ATG10: variants seen among roughly 807,000 people sequenced by gnomAD.
ATG10 encodes autophagy related 10, also known as ubiquitin-like-conjugating enzyme ATG10.
A neutral mutation model predicts 32.1 loss-of-function variants in ATG10; 30 were observed. The observed-to-expected ratio is 0.94, with a 90% CI of 0.70 to 1.27. ATG10 has a LOEUF of 1.27. Ranked by LOEUF, ATG10 falls within the 50% of genes most tolerant of loss-of-function variation. The probability of loss-of-function intolerance (pLI) is 0.00; values close to 1 mark genes in which losing one functional copy is unlikely to be tolerated. For missense variants in ATG10, 233 were observed against 262.3 expected, an observed-to-expected ratio of 0.89 and a Z score of 0.77; for synonymous variants, 87 against 91.5, an observed-to-expected ratio of 0.95 and a Z score of 0.28.
chr5:82,221,317 A>G (rs1745916408), intron 5 of ATG10, among the ~76,000 whole-genome samples: 1 of 152,140 alleles, frequency 6.6e-6, no homozygotes, highest in Non-Finnish European at 1.5e-5. Flanking sequence ...AGTAGGGGCT[A>G]TATTTTGTTT....
At chr5:82,050,869 A>G (rs1763393073) in intron 2 of ATG10, among the ~76,000 whole-genome samples, 1 of 122,420 alleles carries the variant, frequency 8.2e-6, no homozygotes, top group Admixed American at 8.8e-5. Context: ...AAAAAAAAAA[A>G]TCAGCCAGAT....
chr5:81,983,281 G>A (rs1761122352), intron 1 of ATG10, among the ~76,000 whole-genome samples: 1 of 147,804 alleles, frequency 6.8e-6, no homozygotes, highest in Non-Finnish European at 1.5e-5. Context: ...GGCTGGGCGG[G>A]GGGCTGACCC....
At chr5:81,976,585 G>A (rs1760882433) in intron 1 of ATG10, among the ~76,000 whole-genome samples, 1 of 152,174 alleles carries the variant, frequency 6.6e-6, no homozygotes, top group Non-Finnish European at 1.5e-5. Flanking sequence ...TTACTGGAAT[G>A]ATCCAAGTAA....
intron 3 of ATG10, among the ~76,000 whole-genome samples, chr5:82,138,054 G>C (rs1285033802): frequency 6.6e-6 from 1 of 152,194 alleles, no homozygotes; most frequent in African/African-American, 2.4e-5. Flanking sequence ...TCAAGACTCA[G>C]TAATGGTGGA....
intron 3 of ATG10, among the ~76,000 whole-genome samples, chr5:82,143,045 A>G (rs1337595949): frequency 1.3e-5 from 2 of 152,234 alleles, no homozygotes; most frequent in Admixed American, 1.3e-4. Flanking sequence ...CAGAGAGGTA[A>G]TAGTCAGGCC....
rs918693866 is a variant in ATG10, at chr5:82,072,588, G to A, written c.216+13986G>A. On this transcript the variant is annotated intron_variant, in intron 3 of 7. Transcript: ENST00000282185. ...CAATGTGACATTATTGCTCTACAATGGGCATTTTATGAAATAATGAAGAAA... is the reference window on the plus strand; with the variant it reads ...CAATGTGACATTATTGCTCTACAATAGGCATTTTATGAAATAATGAAGAAA... Among the ~76,000 whole-genome samples, 13 of 152,024 alleles carry A rather than the reference G, an allele frequency of 8.6e-5. 1 individual carries two copies. The highest frequency in any genetic ancestry group is 2.9e-5 in the Non-Finnish European group (2 of 67,992).
intron 3 of ATG10, among the ~76,000 whole-genome samples, chr5:82,090,695 A>G (rs1270414189): frequency 6.6e-6 from 1 of 152,134 alleles, no homozygotes; most frequent in African/African-American, 2.4e-5. Flanking sequence ...GTATCAGTGT[A>G]TCAGTGCACT....
intron 3 of ATG10, among the ~76,000 whole-genome samples, chr5:82,125,162 G>A (rs1766214520): frequency 6.6e-6 from 1 of 152,096 alleles, no homozygotes; most frequent in South Asian, 2.1e-4. Context: ...ATTTGTTTAA[G>A]TTCTTTGTAG....
intron 5 of ATG10, among the ~76,000 whole-genome samples, chr5:82,228,122 G>A (rs1407840068): frequency 2.0e-5 from 3 of 151,576 alleles, no homozygotes; most frequent in Non-Finnish European, 4.4e-5. Context: ...TGGGAGGATC[G>A]CTTGAGCCTG....
intron 2 of ATG10, among the ~76,000 whole-genome samples, chr5:82,006,329 CTTA>C (rs1048915406): frequency 6.6e-6 from 1 of 151,998 alleles, no homozygotes; most frequent in Non-Finnish European, 1.5e-5. Context: ...TTTTAAATGT[CTTA>C]TTATGAAACA....
At chr5:81,999,116 A>C (rs936974066) in intron 2 of ATG10, among the ~76,000 whole-genome samples, 40 of 150,564 alleles carry the variant, frequency 2.7e-4, no homozygotes, top group African/African-American at 9.7e-4. Context: ...AATTCACCAC[A>C]CACTCAGACA....
intron 5 of ATG10, among the ~76,000 whole-genome samples, chr5:82,180,634 C>CT (rs1561343445): frequency 1.3e-5 from 2 of 151,974 alleles, no homozygotes; most frequent in Non-Finnish European, 2.9e-5. Flanking sequence ...ATCCACAAGA[C>CT]CCAGAAAATG....
intron 3 of ATG10, among the ~76,000 whole-genome samples, chr5:82,158,717 A>G (rs1012515707): frequency 5.3e-5 from 8 of 152,180 alleles, no homozygotes; most frequent in Non-Finnish European, 7.4e-5. Flanking sequence ...TAAAAGTCAC[A>G]TAATAAAAGA....
chr5:82,211,156 G>A (rs1212091228), intron 5 of ATG10, among the ~76,000 whole-genome samples: 2 of 152,098 alleles, frequency 1.3e-5, no homozygotes, highest in South Asian at 2.1e-4. Flanking sequence ...ACACTGAATC[G>A]ACTTCTTTCC....
intron 2 of ATG10, among the ~76,000 whole-genome samples, chr5:82,030,197 G>T (rs1342736768): frequency 6.6e-6 from 1 of 152,162 alleles, no homozygotes; most frequent in African/African-American, 2.4e-5. Context: ...GCAGTTGTTT[G>T]TGGGAAAGCT....
intron 2 of ATG10, among the ~76,000 whole-genome samples, chr5:82,033,952 G>A (rs1456868408): frequency 6.8e-6 from 1 of 146,328 alleles, no homozygotes; most frequent in Non-Finnish European, 1.5e-5. Context: ...CTATGTATAT[G>A]TATATATACA....
At chr5:82,168,176 C>A (rs984513411) in intron 4 of ATG10, among the ~76,000 whole-genome samples, 2 of 152,040 alleles carry the variant, frequency 1.3e-5, no homozygotes, top group African/African-American at 2.4e-5. Flanking sequence ...TATTCCCTGA[C>A]CTTTTTATGT....
chr5:82,204,719 G>A (rs1745215264), intron 5 of ATG10, among the ~76,000 whole-genome samples: 1 of 152,126 alleles, frequency 6.6e-6, no homozygotes, highest in Admixed American at 6.6e-5. Context: ...CATTTAAGAG[G>A]TGGAATTGAC....
chr5:82,137,995 T>A (rs1766835181), intron 3 of ATG10, among the ~76,000 whole-genome samples: 1 of 152,126 alleles, frequency 6.6e-6, no homozygotes, highest in Admixed American at 6.5e-5. Flanking sequence ...TTCACCCAAT[T>A]TGAACTTCCC....
Sources: allele counts gnomAD v4.1 joint callset (sites outside exome capture counted in the v4.1 genomes callset), GRCh38; gene constraint gnomAD v4.1.1; transcripts MANE v1.5; gene names NCBI Gene and HGNC (gene_info 2026-07-23, HGNC 2026-07-21).